SORCS1: variants seen among roughly 807,000 people sequenced by gnomAD.
The protein encoded by SORCS1 is sortilin related VPS10 domain containing receptor 1.
SORCS1 carries 60 observed loss-of-function variants against 146.1 expected under a neutral mutation model. The ratio of observed to expected loss-of-function variants is 0.41; its 90% CI spans 0.33 to 0.51. The LOEUF (loss-of-function observed/expected upper bound fraction) is 0.51, where lower values mean the gene tolerates loss of function less well. Ranked by LOEUF, SORCS1 falls within the 20% of genes least tolerant of loss-of-function variation. SORCS1 has a pLI of 0.21. For synonymous variants in SORCS1, 637 were observed against 584.0 expected, an observed-to-expected ratio of 1.09 and a Z score of -1.31; for missense variants, 1,352 against 1,487.6, an observed-to-expected ratio of 0.91 and a Z score of 1.50.
upstream of SORCS1, among the ~76,000 whole-genome samples, chr10:107,166,073 A>C (rs148801643): frequency 5.4e-3 from 823 of 152,316 alleles, 8 homozygotes; most frequent in African/African-American, 0.017. Context: ...ATTTCTTTGC[A>C]GTCTTCATAT....
At chr10:106,709,483 C>G in intron 6 of SORCS1, 142 bp from the exon 7 acceptor site, 1 of 425,730 alleles carries the variant, frequency 2.3e-6, no homozygotes, top group Admixed American at 4.4e-5. Context: ...GAGTCTCGCT[C>G]TGTCGCCCAG....
At chr10:106,704,416 G>A (rs990687781) in intron 8 of SORCS1, among the ~76,000 whole-genome samples, 2 of 149,664 alleles carry the variant, frequency 1.3e-5, no homozygotes, top group Non-Finnish European at 2.9e-5. Context: ...TACCGGCCAG[G>A]CTCAGTGGCT....
intron 1 of SORCS1, among the ~76,000 whole-genome samples, chr10:107,052,371 C>T (rs1960201468): frequency 6.6e-6 from 1 of 152,130 alleles, no homozygotes; most frequent in Non-Finnish European, 1.5e-5. Flanking sequence ...GTATCACTCA[C>T]TGCTTCTAAG....
At chr10:106,976,787 T>C (rs1254469247) in intron 1 of SORCS1, among the ~76,000 whole-genome samples, 2 of 152,154 alleles carry the variant, frequency 1.3e-5, no homozygotes, top group Non-Finnish European at 2.9e-5. Context: ...AGTGAGAACA[T>C]GTGGTGTTTG....
intron 8 of SORCS1, among the ~76,000 whole-genome samples, chr10:106,705,171 A>C (rs1854428689): frequency 6.6e-6 from 1 of 152,220 alleles, no homozygotes; most frequent in Admixed American, 6.5e-5. Context: ...ACAGACATAC[A>C]TACAGTTCTG....
chr10:106,679,373 C>CA (rs1011319405), intron 11 of SORCS1, 41 bp from the exon 12 acceptor site: 2 of 1,487,708 alleles, frequency 1.3e-6, no homozygotes, highest in African/African-American at 2.8e-5. Context: ...GAACTTTCTG[C>CA]AAAAGCAACA....
At chr10:106,611,655 G>C (rs1589468348) in intron 22 of SORCS1, among the ~76,000 whole-genome samples, 1 of 152,166 alleles carries the variant, frequency 6.6e-6, no homozygotes, top group East Asian at 1.9e-4. Context: ...CCTTCTCTAA[G>C]CAGAACAAGA....
intron 1 of SORCS1, among the ~76,000 whole-genome samples, chr10:107,100,789 A>G (rs1449328193): frequency 6.6e-6 from 1 of 152,258 alleles, no homozygotes; most frequent in African/African-American, 2.4e-5. Context: ...GAATACCCAC[A>G]TAAAAGCAAA....
chr10:106,671,304 T>G lies in SORCS1; in HGVS notation c.2122A>C (p.Met708Leu). The change falls in exon 16 of 26, where the codon ATG (methionine) becomes CTG (leucine). Residue 708 changes from methionine (M) to leucine (L), a missense_variant. Met to Leu is a conservative substitution (Grantham distance 15, BLOSUM62 2). Around this residue, in one of 3 missense-constraint regions of SORCS1, gnomAD observed 648 missense variants for 793.8 expected, o/e 0.82. Transcript: ENST00000263054. ...YKKRKSERKC[M>L]QGKYAGAMES... ...ATAGCTCCTGCATATTTTCCTTGCA[T>G]ACACTTCCGCTCTGATTTTCGCTTC... The G allele has an allele frequency of 6.2e-7, 1 of 1,614,156 alleles. No individual in the cohort carries two copies. The highest frequency in any genetic ancestry group is 8.5e-7 in the Non-Finnish European group (1 of 1,180,008).
chr10:107,104,813 C>T lies in SORCS1; in HGVS notation c.558+59156G>A, dbSNP rs371439825. Among the ~76,000 whole-genome samples, 8 of 152,100 alleles carry T rather than the reference C, an allele frequency of 5.3e-5. No individual in the cohort carries two copies. In the East Asian group the frequency reaches 1.4e-3, roughly 26 times the overall value. On this transcript the variant is annotated intron_variant, in intron 1 of 25. Transcript: ENST00000263054. ...ATCTTTTTCAGAGACACGTGAGGTT[C>T]TAAGTTATAGGAAAGAACAGGTCAG...
intron 1 of SORCS1, among the ~76,000 whole-genome samples, chr10:107,093,556 C>A (rs768073896): frequency 6.6e-6 from 1 of 151,976 alleles, no homozygotes; most frequent in Admixed American, 6.6e-5. Context: ...GCCCGTAGTC[C>A]CAGCTACTTG....
intron 2 of SORCS1, among the ~76,000 whole-genome samples, chr10:106,840,108 G>C (rs1948959285): frequency 6.6e-6 from 1 of 152,152 alleles, no homozygotes; most frequent in Non-Finnish European, 1.5e-5. Context: ...TTTTTAAGTA[G>C]TATTATTTAA....
chr10:106,981,947 C>T (rs2139354670), intron 1 of SORCS1, among the ~76,000 whole-genome samples: 1 of 152,268 alleles, frequency 6.6e-6, no homozygotes, highest in Admixed American at 6.5e-5. Flanking sequence ...ATTGCGGGTT[C>T]CTGAGTTTCT....
chr10:106,949,002 C>G (rs1954522835), intron 2 of SORCS1, among the ~76,000 whole-genome samples: 1 of 152,042 alleles, frequency 6.6e-6, no homozygotes, highest in Admixed American at 6.6e-5. Context: ...TCAGGAACCA[C>G]AACCAGCTCC....
intron 23 of SORCS1, among the ~76,000 whole-genome samples, chr10:106,599,781 T>C (rs1368556377): frequency 1.3e-5 from 2 of 151,842 alleles, no homozygotes; most frequent in Non-Finnish European, 2.9e-5. Context: ...TTTTTTTTTT[T>C]TGAGACAGAG....
intron 1 of SORCS1, among the ~76,000 whole-genome samples, chr10:107,035,467 G>GA (rs1958868018): frequency 6.6e-6 from 1 of 152,064 alleles, no homozygotes; most frequent in Non-Finnish European, 1.5e-5. Flanking sequence ...CATACCAGCA[G>GA]AACCATGCTT....
chr10:107,139,737 T>C (rs1967648199), intron 1 of SORCS1, among the ~76,000 whole-genome samples: 1 of 152,204 alleles, frequency 6.6e-6, no homozygotes, highest in African/African-American at 2.4e-5. Context: ...CTATTTATAG[T>C]GATTGCAGTC....
intron 1 of SORCS1, among the ~76,000 whole-genome samples, chr10:107,100,261 C>T (rs1183331562): frequency 6.6e-6 from 1 of 152,140 alleles, no homozygotes; most frequent in Non-Finnish European, 1.5e-5. Flanking sequence ...CGCCTGTAAT[C>T]CCAGCACTTT....
At chr10:107,159,837 C>G (rs1039193767) in intron 1 of SORCS1, among the ~76,000 whole-genome samples, 29 of 151,444 alleles carry the variant, frequency 1.9e-4, no homozygotes, top group African/African-American at 6.6e-4. Flanking sequence ...GTCAGCTCCT[C>G]CCCACCGAAA....
Sources: allele counts gnomAD v4.1 joint callset (sites outside exome capture counted in the v4.1 genomes callset), GRCh38; gene constraint gnomAD v4.1.1; regional missense constraint gnomAD v4.1.1; transcripts MANE v1.5; gene names NCBI Gene and HGNC (gene_info 2026-07-23, HGNC 2026-07-21).